Variants in THSD4 observed in about 807,000 individuals in gnomAD.
THSD4 encodes thrombospondin type 1 domain containing 4.
Under a neutral mutation model 119.0 loss-of-function variants are expected in THSD4, and 69 were observed. The observed-to-expected ratio is 0.58, with a 90% CI of 0.48 to 0.71. The LOEUF is 0.71. Ranked by LOEUF, THSD4 falls within the 30% of genes least tolerant of loss-of-function variation. THSD4 has a pLI of 0.00. For missense variants in THSD4, 1,393 were observed against 1,391.1 expected, an observed-to-expected ratio of 1.00 and a Z score of -0.02; for synonymous variants, 524 against 540.4, an observed-to-expected ratio of 0.97 and a Z score of 0.42.
rs2054017874 is a variant in THSD4 at position 71,782,798 on chromosome 15, T to C, written c.*5424T>C. The C allele has an allele frequency of 6.6e-6, 1 of 152,214 alleles. No individual in the cohort carries two copies. The highest frequency in any genetic ancestry group is 2.1e-4 in the South Asian group (1 of 4,830). 9.4% of individuals were successfully genotyped at this position (152,214 alleles called of 1,614,324 possible). A position where few individuals can be genotyped will look rare whatever the true frequency, so the allele number is the denominator to read the frequency against. On this transcript the variant is annotated 3_prime_UTR_variant, in exon 18 of 18. Transcript: ENST00000261862. ...ATTGCTACTTTTTCATCTTAAATAT[T>C]ATATTTCCTCATCTAATCTGCCTTC...
chr15:71,775,592 T>C (rs1244960765), intron 17 of THSD4, among the ~76,000 whole-genome samples: 1 of 152,058 alleles, frequency 6.6e-6, no homozygotes, highest in Non-Finnish European at 1.5e-5. Flanking sequence ...GTGCCTGTAA[T>C]CCCAGCTACT....
chr15:71,741,062 C>T (rs1302262673), intron 11 of THSD4, among the ~76,000 whole-genome samples: 3 of 152,056 alleles, frequency 2.0e-5, no homozygotes, highest in East Asian at 1.9e-4. Flanking sequence ...ATTTCAAATG[C>T]GGAATATATG....
chr15:71,269,401 C>G (rs988849321), intron 6 of THSD4, among the ~76,000 whole-genome samples: 4 of 152,110 alleles, frequency 2.6e-5, no homozygotes, highest in African/African-American at 7.2e-5. Context: ...ATTCAACACC[C>G]CTTCATGCTA....
At chr15:71,192,135 C>T (rs1383536626) in intron 3 of THSD4, among the ~76,000 whole-genome samples, 1 of 151,984 alleles carries the variant, frequency 6.6e-6, no homozygotes, top group Non-Finnish European at 1.5e-5. Context: ...AACTCCTTAC[C>T]TTGTGATTTG....
chr15:71,241,950 T>C (rs1285788905), intron 4 of THSD4, among the ~76,000 whole-genome samples: 2 of 152,186 alleles, frequency 1.3e-5, no homozygotes, highest in Non-Finnish European at 2.9e-5. Context: ...GTTACTGTAT[T>C]TTATGTGTGA....
intron 8 of THSD4, among the ~76,000 whole-genome samples, chr15:71,676,103 T>C (rs2051642259): frequency 6.6e-6 from 1 of 152,232 alleles, no homozygotes; most frequent in Non-Finnish European, 1.5e-5. Flanking sequence ...AACTAGCTTT[T>C]AAAAGAGTAT....
At chr15:71,467,066 C>T (rs527341970) in intron 7 of THSD4, among the ~76,000 whole-genome samples, 3 of 152,216 alleles carry the variant, frequency 2.0e-5, no homozygotes, top group Non-Finnish European at 4.4e-5. Context: ...AACCATTTCC[C>T]GTGGCTTCCA....
At chr15:71,124,136 G>A (rs916146845) in intron 1 of THSD4, among the ~76,000 whole-genome samples, 1 of 152,052 alleles carries the variant, frequency 6.6e-6, no homozygotes, top group Non-Finnish European at 1.5e-5. Flanking sequence ...TTGGGGGTCC[G>A]CATATTTTCT....
At chr15:71,585,366 GTTGT>G (rs1288938260) in intron 7 of THSD4, among the ~76,000 whole-genome samples, 3 of 152,196 alleles carry the variant, frequency 2.0e-5, no homozygotes, top group Non-Finnish European at 4.4e-5. Flanking sequence ...GACAGGGTTG[GTTGT>G]TTGTTCCTTT....
chr15:71,250,493 A>AT (rs1361200012), intron 5 of THSD4, among the ~76,000 whole-genome samples: 1 of 151,882 alleles, frequency 6.6e-6, no homozygotes, highest in Non-Finnish European at 1.5e-5. Flanking sequence ...GCTTATTTTT[A>AT]TTTTTTGTAG....
chr15:71,547,118 T>C (rs2048848171), intron 7 of THSD4: 1 of 928,914 alleles, frequency 1.1e-6, no homozygotes. Context: ...TGATCATTTC[T>C]GTCCCTCCCC....
intron 1 of THSD4, among the ~76,000 whole-genome samples, chr15:71,122,208 TAC>T (rs2040414610): frequency 6.6e-6 from 1 of 152,160 alleles, no homozygotes; most frequent in Non-Finnish European, 1.5e-5. Context: ...GAGCTGCCAT[TAC>T]AGAGCTCCGT....
intron 6 of THSD4, among the ~76,000 whole-genome samples, chr15:71,288,822 T>C (rs528082909): frequency 5.9e-5 from 9 of 152,330 alleles, no homozygotes; most frequent in African/African-American, 2.2e-4. Flanking sequence ...TTTGGTGCAG[T>C]GTATGGGTTC....
At chr15:71,202,842 C>G (rs976094629) in intron 3 of THSD4, among the ~76,000 whole-genome samples, 1 of 152,156 alleles carries the variant, frequency 6.6e-6, no homozygotes, top group Admixed American at 6.5e-5. Context: ...AGTTTGAATT[C>G]TGGCAGCACT....
intron 6 of THSD4, among the ~76,000 whole-genome samples, chr15:71,342,081 G>C (rs2045585972): frequency 6.6e-6 from 1 of 152,096 alleles, no homozygotes; most frequent in East Asian, 1.9e-4. Context: ...ATTGATGGGT[G>C]GACATGCAGA....
At chr15:71,743,641 C>T (rs979841965) in intron 11 of THSD4, among the ~76,000 whole-genome samples, 25 of 152,174 alleles carry the variant, frequency 1.6e-4, no homozygotes, top group South Asian at 4.1e-4. Flanking sequence ...TTAATTGGAA[C>T]GTTATTTTAA....
intron 8 of THSD4, among the ~76,000 whole-genome samples, chr15:71,660,999 A>G (rs2051295171): frequency 6.6e-6 from 1 of 152,254 alleles, no homozygotes; most frequent in Non-Finnish European, 1.5e-5. Flanking sequence ...AAACATGGTT[A>G]TAAAGTGGAT....
At chr15:71,319,463 T>C (rs949484116) in intron 6 of THSD4, among the ~76,000 whole-genome samples, 1 of 143,320 alleles carries the variant, frequency 7.0e-6, no homozygotes. Context: ...GTGTTCTCAC[T>C]GTTCAATTCC....
intron 6 of THSD4, among the ~76,000 whole-genome samples, chr15:71,349,410 C>T (rs758230263): frequency 6.6e-5 from 10 of 152,108 alleles, no homozygotes; most frequent in African/African-American, 9.7e-5. Flanking sequence ...AAAGATGACA[C>T]GAGCCTGTTC....
Sources: gnomAD v4.1 joint callset for allele counts (sites outside exome capture counted in the v4.1 genomes callset) on GRCh38, gnomAD v4.1.1 for gene constraint, MANE v1.5 for transcripts, NCBI Gene and HGNC (gene_info 2026-07-23, HGNC 2026-07-21) for gene names.